MTUS2: variants seen among roughly 807,000 people sequenced by gnomAD.
MTUS2 encodes the protein microtubule-associated tumor suppressor candidate 2.
Under a neutral mutation model 114.1 loss-of-function variants are expected in MTUS2, and 40 were observed. The observed-to-expected ratio is 0.35, with a 90% CI of 0.27 to 0.46. The LOEUF (loss-of-function observed/expected upper bound fraction) is 0.46. MTUS2 is among the 20% of genes least tolerant of loss of function. The pLI, the probability that MTUS2 is intolerant of heterozygous loss-of-function variation, is 1.00. For synonymous variants in MTUS2, 688 were observed against 672.0 expected (o/e 1.02, Z -0.37); for missense variants, 1,679 against 1,705.4 (o/e 0.98, Z 0.27).
At chr13:29,038,091 C>T (rs1887167009) in intron 4 of MTUS2, among the ~76,000 whole-genome samples, 1 of 152,110 alleles carries the variant, frequency 6.6e-6, no homozygotes, top group African/African-American at 2.4e-5. Context: ...GGACAAGAGG[C>T]ATTCTGGTGT....
At chr13:29,185,589 C>T (rs573266603) in intron 5 of MTUS2, among the ~76,000 whole-genome samples, 1 of 152,162 alleles carries the variant, frequency 6.6e-6, no homozygotes, top group South Asian at 2.1e-4. Flanking sequence ...TGATTTCTCC[C>T]CCCCAAAAAT....
Position 29,074,465 on chromosome 13 carries a change from T to A in MTUS2, c.2447-26308T>A, listed in dbSNP as rs139671191. Among the ~76,000 whole-genome samples, 23 of 152,316 alleles carry A rather than the reference T, an allele frequency of 1.5e-4. No homozygotes were observed. The East Asian group carries it at 3.3e-3, about 22-fold the overall frequency. On this transcript the variant is annotated intron_variant, in intron 4 of 15. Transcript: ENST00000612955. Reference sequence around the variant, plus strand: ...ATAGCAGGAACTGTGCGTCATTTTTTAAAATTATTTCATAAGAGCTGTCAT... The same window carrying A: ...ATAGCAGGAACTGTGCGTCATTTTTAAAAATTATTTCATAAGAGCTGTCAT...
At chr13:28,921,182 G>A (rs548082888) in intron 2 of MTUS2, among the ~76,000 whole-genome samples, 1 of 152,302 alleles carries the variant, frequency 6.6e-6, no homozygotes, top group South Asian at 2.1e-4. Context: ...ACATCTCAGA[G>A]CCCAAGGCCC....
intron 5 of MTUS2, among the ~76,000 whole-genome samples, chr13:29,146,597 T>A (rs1892442669): frequency 6.6e-6 from 1 of 152,236 alleles, no homozygotes; most frequent in South Asian, 2.1e-4. Context: ...TATTAATATT[T>A]GGTAAACATG....
intron 5 of MTUS2, among the ~76,000 whole-genome samples, chr13:29,246,894 C>G (rs1466549170): frequency 1.4e-5 from 1 of 71,820 alleles, no homozygotes; most frequent in Non-Finnish European, 3.3e-5. Flanking sequence ...CTTCACATAA[C>G]TAAAAAAAAA....
At chr13:29,463,297 T>C (rs1162137742) in intron 9 of MTUS2, among the ~76,000 whole-genome samples, 1 of 152,148 alleles carries the variant, frequency 6.6e-6, no homozygotes, top group Non-Finnish European at 1.5e-5. Flanking sequence ...TCCAGGACTG[T>C]GGGGTCATAA....
rs138108579 is a variant in MTUS2, at chr13:29,213,759, C to G, written c.2645-67945C>G. 1.9e-4 allele frequency among the ~76,000 whole-genome samples: 29 copies of G among 152,126 alleles called. 1 individual carries two copies. The East Asian group carries it at 5.6e-3, about 29-fold the overall frequency. On this transcript the variant is annotated intron_variant, in intron 5 of 15. Transcript: ENST00000612955. ...TCTTATAGGCCATATATAATTAGAT[C>G]TTATATTTTTATCCCATCTGAAATC...
chr13:29,492,312 ATGTG>A (rs1434830047), intron 11 of MTUS2, among the ~76,000 whole-genome samples: 1 of 148,526 alleles, frequency 6.7e-6, no homozygotes, highest in African/African-American at 2.5e-5. Context: ...GTAGGTGTGT[ATGTG>A]TATGTGTGGC....
intron 2 of MTUS2, among the ~76,000 whole-genome samples, chr13:28,913,679 C>T (rs1298962161): frequency 6.6e-6 from 1 of 152,066 alleles, no homozygotes; most frequent in Non-Finnish European, 1.5e-5. Context: ...GGAATAGTTT[C>T]AGTAGAAATG....
At chr13:28,952,895 A>G (rs575014056) in intron 2 of MTUS2, among the ~76,000 whole-genome samples, 1 of 152,298 alleles carries the variant, frequency 6.6e-6, no homozygotes, top group Admixed American at 6.5e-5. Flanking sequence ...ACGTATTTGT[A>G]CATTCTTTTT....
Position 29,281,685 on chromosome 13 carries a change from C to A in MTUS2, c.2645-19C>A, listed in dbSNP as rs3751335. 6.3e-7 allele frequency: 1 copy of A among 1,579,952 alleles called. No individual in the cohort carries two copies. Among genetic ancestry groups the A allele is most frequent in the African/African-American group, 1.4e-5 (1 of 74,020 alleles). ...ATTTTTCATGAAGTTATAATTAACA[C>A]GCTGTCTGCCTCCCACAGGTTCAAC... On this transcript the variant is annotated intron_variant, in intron 5 of 15. Transcript: ENST00000612955.
At chr13:29,381,911 G>A (rs996859914) in intron 8 of MTUS2, among the ~76,000 whole-genome samples, 5 of 152,126 alleles carry the variant, frequency 3.3e-5, no homozygotes, top group Non-Finnish European at 7.4e-5. Flanking sequence ...CATGAAAGTT[G>A]GAAATACTCT....
chr13:29,136,857 G>A (rs908965254), intron 5 of MTUS2, among the ~76,000 whole-genome samples: 2 of 152,246 alleles, frequency 1.3e-5, no homozygotes, highest in Non-Finnish European at 2.9e-5. Context: ...TGACAACCTA[G>A]TACTTGGCAA....
chr13:29,118,533 C>T (rs555012407), intron 5 of MTUS2, among the ~76,000 whole-genome samples: 1 of 152,176 alleles, frequency 6.6e-6, no homozygotes, highest in Non-Finnish European at 1.5e-5. Context: ...CAACTAGACT[C>T]TCACAGTTTC....
At chr13:29,206,097 G>C (rs1895174218) in intron 5 of MTUS2, among the ~76,000 whole-genome samples, 1 of 152,050 alleles carries the variant, frequency 6.6e-6, no homozygotes, top group African/African-American at 2.4e-5. Context: ...TTTGATTATG[G>C]CCGTTCTTGC....
In MTUS2 at chr13:29,150,399, A is replaced by T. The variant is rs75784297; in HGVS notation, c.2644+49429A>T. On this transcript the variant is annotated intron_variant, in intron 5 of 15. Coordinates refer to ENST00000612955, the MANE Select transcript of MTUS2 (RefSeq NM_001033602.4). The stretch of plus-strand genomic sequence containing the variant: ...ATTTTGCTTACCTTTTAATGAAGTT[A>T]TTTGTCTTTCACTTAAGTTCCTTAT... 8.5e-4 allele frequency among the ~76,000 whole-genome samples: 129 copies of T among 152,004 alleles called. 3 individuals are homozygous for T. The East Asian group carries it at 0.02, about 23-fold the overall frequency.
intron 2 of MTUS2, among the ~76,000 whole-genome samples, chr13:28,986,043 G>T (rs566593567): frequency 2.8e-4 from 43 of 152,080 alleles, no homozygotes; most frequent in African/African-American, 9.9e-4. Flanking sequence ...ACCTTACTTG[G>T]TTTTTCTTCA....
intron 1 of MTUS2, among the ~76,000 whole-genome samples, chr13:28,835,633 A>T (rs73452675): frequency 6.6e-6 from 1 of 152,304 alleles, no homozygotes; most frequent in African/African-American, 2.4e-5. Context: ...ACCTTTTAAG[A>T]TCATGAATTT....
intron 5 of MTUS2, among the ~76,000 whole-genome samples, chr13:29,223,321 C>T (rs1168601819): frequency 6.6e-6 from 1 of 152,140 alleles, no homozygotes; most frequent in Non-Finnish European, 1.5e-5. Flanking sequence ...GGATGACCTG[C>T]CTGTGGAGTG....
Sources: allele counts gnomAD v4.1 joint callset (sites outside exome capture counted in the v4.1 genomes callset), GRCh38; gene constraint gnomAD v4.1.1; transcripts MANE v1.5; gene names NCBI Gene and HGNC (gene_info 2026-07-23, HGNC 2026-07-21).